The following C4orf36 variants were observed in gnomAD, a reference collection of about 807,000 sequenced individuals.
The protein encoded by C4orf36 is uncharacterized protein C4orf36.
A neutral mutation model predicts 12.2 loss-of-function variants in C4orf36; 11 were observed. That is an observed-to-expected ratio of 0.90 (90% CI 0.57 to 1.49). C4orf36 has a LOEUF of 1.49. C4orf36 is among the 40% of genes most tolerant of loss of function. The pLI, the probability that C4orf36 is intolerant of heterozygous loss-of-function variation, is 0.00. For missense variants in C4orf36, 137 were observed against 133.9 expected (o/e 1.02, Z -0.11); for synonymous variants, 54 against 51.3 (o/e 1.05, Z -0.22).
chr4:86,908,168 T>C, the C4orf36 span, among the ~76,000 whole-genome samples: 14 of 140,964 alleles, frequency 9.9e-5, no homozygotes, highest in East Asian at 4.6e-4. Context: ...ACTTTCAACA[T>C]ACACACACAC....
the C4orf36 span, among the ~76,000 whole-genome samples, chr4:86,917,473 A>AAAAG: frequency 1.5e-5 from 2 of 133,718 alleles, no homozygotes; most frequent in Non-Finnish European, 3.3e-5. Flanking sequence ...GAAAAGAAAG[A>AAAAG]AATAAAGAAA....
chr4:86,922,062 A>G, the C4orf36 span, among the ~76,000 whole-genome samples: 3 of 152,232 alleles, frequency 2.0e-5, no homozygotes, highest in African/African-American at 7.2e-5. Flanking sequence ...TGAGGGAACC[A>G]GTAAGATGTT....
the C4orf36 span, among the ~76,000 whole-genome samples, chr4:86,904,213 A>G: frequency 6.6e-6 from 1 of 152,164 alleles, no homozygotes; most frequent in Non-Finnish European, 1.5e-5. Context: ...GTGCGGGGCC[A>G]GCCGAGCCTG....
the C4orf36 span, chr4:86,913,251 GC>G: frequency 5.2e-5 from 30 of 579,050 alleles, no homozygotes; most frequent in Non-Finnish European, 8.8e-5. Flanking sequence ...AGCTCACTCA[GC>G]TTCACATCCA....
the C4orf36 span, among the ~76,000 whole-genome samples, chr4:86,918,189 T>C: frequency 6.6e-6 from 1 of 152,214 alleles, no homozygotes; most frequent in African/African-American, 2.4e-5. Flanking sequence ...AAGGCCCCAC[T>C]TCCAAATACT....
At chr4:86,907,678 A>G in the C4orf36 span, among the ~76,000 whole-genome samples, 1 of 152,152 alleles carries the variant, frequency 6.6e-6, no homozygotes, top group East Asian at 1.9e-4. Context: ...GTAATAACCA[A>G]GAATGGTATC....
chr4:86,904,768 A>AT, the C4orf36 span, among the ~76,000 whole-genome samples: 1 of 151,970 alleles, frequency 6.6e-6, no homozygotes, highest in Admixed American at 6.6e-5. Flanking sequence ...ATGATTACAG[A>AT]TTCGAAAAGT....
chr4:86,926,779 T>C, the C4orf36 span, among the ~76,000 whole-genome samples: 1 of 152,232 alleles, frequency 6.6e-6, no homozygotes, highest in African/African-American at 2.4e-5. Context: ...GGTATGTTTA[T>C]GTTATTGTTG....
At chr4:86,881,958 G>GT (rs1471088874) in intron 4 of C4orf36, among the ~76,000 whole-genome samples, 1 of 152,170 alleles carries the variant, frequency 6.6e-6, no homozygotes, top group African/African-American at 2.4e-5. Context: ...GATTACAGGC[G>GT]TGCGCCTCCA....
intron 1 of C4orf36, 108 bp from the exon 2 acceptor site, chr4:86,891,701 G>T: frequency 9.6e-7 from 1 of 1,036,350 alleles, no homozygotes; most frequent in Non-Finnish European, 1.3e-6. Context: ...AGTGTTCATT[G>T]AACTGGAACC....
chr4:86,909,020 CT>C, the C4orf36 span, among the ~76,000 whole-genome samples: 1 of 152,170 alleles, frequency 6.6e-6, no homozygotes, highest in African/African-American at 2.4e-5. Context: ...CTTTACCTGT[CT>C]CTCAATGTGG....
At chr4:86,926,229 T>C in the C4orf36 span, 1 of 152,344 alleles carries the variant, frequency 6.6e-6, no homozygotes, top group Admixed American at 6.5e-5. Flanking sequence ...GGGACTCACA[T>C]AGGTGCTGAC....
intron 4 of C4orf36, among the ~76,000 whole-genome samples, chr4:86,884,224 A>G (rs1267660281): frequency 6.6e-6 from 1 of 152,018 alleles, no homozygotes; most frequent in Non-Finnish European, 1.5e-5. Context: ...ACTTTCACAC[A>G]AGTATGTGTG....
At chr4:86,894,842 C>T (rs1409772291), upstream of C4orf36, among the ~76,000 whole-genome samples, 1 of 152,088 alleles carries the variant, frequency 6.6e-6, no homozygotes, top group Admixed American at 6.6e-5. Flanking sequence ...AGGGCTTTTG[C>T]CACCAACTAT....
chr4:86,901,400 TTTTA>T, the C4orf36 span, among the ~76,000 whole-genome samples: 2 of 150,170 alleles, frequency 1.3e-5, no homozygotes, highest in African/African-American at 4.9e-5. Context: ...TTTTATTTAT[TTTTA>T]TTTATTTATT....
chr4:86,896,265 GTTTTAGATTACACATT>G (rs1197883482), upstream of C4orf36, among the ~76,000 whole-genome samples: 1 of 152,104 alleles, frequency 6.6e-6, no homozygotes, highest in African/African-American at 2.4e-5. Context: ...TTAGGGCAAG[GTTTTAGATTACACATT>G]TGAAAACAGT....
At chr4:86,894,850 T>C (rs6846822), upstream of C4orf36, among the ~76,000 whole-genome samples, 58,062 of 152,020 alleles carry the variant, frequency 0.38, 12,006 homozygotes, top group Non-Finnish European at 0.45. Context: ...TGCCACCAAC[T>C]ATGTGATTAA....
chr4:86,936,008 A>T, the C4orf36 span: 1 of 152,286 alleles, frequency 6.6e-6, no homozygotes, highest in South Asian at 2.1e-4. Flanking sequence ...TGGTAGTTGC[A>T]TTAATGGAGC....
chr4:86,933,519 G>A, the C4orf36 span: 5 of 152,264 alleles, frequency 3.3e-5, no homozygotes, highest in African/African-American at 1.2e-4. Flanking sequence ...GTTGACCACA[G>A]TTTGAAGAGC....
Sources: allele counts gnomAD v4.1 joint callset (sites outside exome capture counted in the v4.1 genomes callset), GRCh38; gene constraint gnomAD v4.1.1; transcripts MANE v1.5; gene names NCBI Gene and HGNC (gene_info 2026-07-23, HGNC 2026-07-21).